Variants in KCNJ6 observed in about 807,000 individuals in gnomAD.
The protein encoded by KCNJ6 is G protein-activated inward rectifier potassium channel 2.
Under a neutral mutation model 34.2 loss-of-function variants are expected in KCNJ6, and 9 were observed. The observed-to-expected ratio is 0.26, with a 90% CI of 0.16 to 0.46. The LOEUF (loss-of-function observed/expected upper bound fraction) is 0.46. KCNJ6 is among the 20% of genes least tolerant of loss of function. The pLI is 1.00. For synonymous variants in KCNJ6, 196 were observed against 207.1 expected (o/e 0.95, Z 0.46); for missense variants, 236 against 531.3 (o/e 0.44, Z 5.46).
Position 37,838,252 on chromosome 21 carries a change from C to T in KCNJ6, c.25+2406G>A, listed in dbSNP as rs149731946. Among the ~76,000 whole-genome samples the T allele has an allele frequency of 4.5e-3, 691 of 152,164 alleles. 3 individuals are homozygous for T. The highest frequency in any genetic ancestry group is 0.014 in the African/African-American group (589 of 41,510). ...AACCTGAAACCTAAAACCAATAAAT[C>T]GATAGTCAGGTGAAGAGCTCTTATT... On this transcript the variant is annotated intron_variant, in intron 2 of 3. Transcript: ENST00000609713.
At position 37,766,273 on chromosome 21, in the gene KCNJ6, G is replaced by A. The variant is rs550529736; in HGVS notation, c.26-51142C>T. Among the ~76,000 whole-genome samples the A allele has an allele frequency of 2.7e-4, 41 of 152,216 alleles. No homozygotes were observed. The Middle Eastern group carries it at 0.014, about 51-fold the overall frequency. On this transcript the variant is annotated intron_variant, in intron 2 of 3. Coordinates refer to ENST00000609713, the MANE Select transcript of KCNJ6 (RefSeq NM_002240.5). ...TCCTGTCATGTGATTTGGGCATGCC[G>A]AAAGGCTGCCACTCCCTAAATATCC...
chr21:37,674,484 C>T (rs535254198), intron 3 of KCNJ6, among the ~76,000 whole-genome samples: 1 of 140,150 alleles, frequency 7.1e-6, no homozygotes, highest in Admixed American at 7.5e-5. Flanking sequence ...ACCTCACTCG[C>T]CTCCTCTCTG....
chr21:37,831,184 GA>G, intron 2 of KCNJ6, among the ~76,000 whole-genome samples: 1 of 152,294 alleles, frequency 6.6e-6, no homozygotes, highest in South Asian at 2.1e-4. Context: ...AATTATCCTT[GA>G]GTTTAAAAGA....
rs1342125038 is a variant in KCNJ6 at position 37,909,404 on chromosome 21, C to T, written c.-28+6480G>A. ...TTTTTTGGAGACAGAGTCTCCCTCT[C>T]ACCCAGGCTGGAGTGCAGTGGTGTG... On this transcript the variant is annotated intron_variant, in intron 1 of 3. Coordinates refer to ENST00000609713, the MANE Select transcript of KCNJ6 (RefSeq NM_002240.5). Among the ~76,000 whole-genome samples, 3 of 151,302 alleles carry T rather than the reference C, an allele frequency of 2.0e-5. No individual in the cohort carries two copies. In the East Asian group the frequency reaches 5.8e-4, roughly 29 times the overall value.
intron 3 of KCNJ6, among the ~76,000 whole-genome samples, chr21:37,701,106 C>A (rs766406754): frequency 5.3e-5 from 8 of 152,202 alleles, no homozygotes; most frequent in African/African-American, 9.7e-5. Context: ...ACACAGCTGC[C>A]TGGGTCTGTA....
intron 2 of KCNJ6, among the ~76,000 whole-genome samples, chr21:37,770,151 T>C (rs773529968): frequency 2.6e-5 from 4 of 152,202 alleles, no homozygotes; most frequent in African/African-American, 4.8e-5. Flanking sequence ...CAGTAGGAGC[T>C]GCACTTTCAC....
intron 2 of KCNJ6, among the ~76,000 whole-genome samples, chr21:37,745,243 C>T (rs1354092750): frequency 6.6e-6 from 1 of 151,976 alleles, no homozygotes; most frequent in African/African-American, 2.4e-5. Context: ...CACAGGTGTG[C>T]ACCACCATAG....
At chr21:37,837,917 G>C (rs566138961) in intron 2 of KCNJ6, among the ~76,000 whole-genome samples, 6 of 152,240 alleles carry the variant, frequency 3.9e-5, no homozygotes, top group African/African-American at 1.2e-4. Context: ...TGTTTGGTAT[G>C]TTGACCACAT....
intron 3 of KCNJ6, among the ~76,000 whole-genome samples, chr21:37,650,817 T>C (rs1399254949): frequency 6.6e-6 from 1 of 152,342 alleles, no homozygotes; most frequent in Non-Finnish European, 1.5e-5. Context: ...TTTGTCTGTC[T>C]TTGTACATCC....
At chr21:37,777,181 G>A (rs2055146510) in intron 2 of KCNJ6, among the ~76,000 whole-genome samples, 2 of 152,150 alleles carry the variant, frequency 1.3e-5, no homozygotes, top group East Asian at 3.8e-4. Flanking sequence ...ATTTCTGTGG[G>A]ATTGGTGGTG....
chr21:37,836,686 C>A (rs1477904500), intron 2 of KCNJ6, among the ~76,000 whole-genome samples: 1 of 151,984 alleles, frequency 6.6e-6, no homozygotes, highest in Non-Finnish European at 1.5e-5. Context: ...GGAAGTTGAA[C>A]AATGAGAACA....
chr21:37,859,536 A>G (rs2055584459), intron 1 of KCNJ6, among the ~76,000 whole-genome samples: 2 of 98,128 alleles, frequency 2.0e-5, no homozygotes, highest in South Asian at 5.9e-4. Flanking sequence ...TATATAAAAT[A>G]CTTAAAAAGC....
chr21:37,706,558 A>C (rs371295763), intron 3 of KCNJ6, among the ~76,000 whole-genome samples: 2 of 151,694 alleles, frequency 1.3e-5, no homozygotes, highest in African/African-American at 4.8e-5. Context: ...AACAGGCTGT[A>C]AACAGCTGCG....
At chr21:37,767,604 A>G (rs569039670) in intron 2 of KCNJ6, among the ~76,000 whole-genome samples, 1 of 152,312 alleles carries the variant, frequency 6.6e-6, no homozygotes, top group Non-Finnish European at 1.5e-5. Flanking sequence ...CAAAATGTCA[A>G]TACTGCGGAA....
chr21:37,655,920 C>T (rs1324143402), intron 3 of KCNJ6, among the ~76,000 whole-genome samples: 1 of 152,186 alleles, frequency 6.6e-6, no homozygotes, highest in Admixed American at 6.5e-5. Context: ...CTTGCTCTCT[C>T]TCTTTTTCTC....
At chr21:37,702,191 C>G (rs1198250993) in intron 3 of KCNJ6, among the ~76,000 whole-genome samples, 1 of 142,812 alleles carries the variant, frequency 7.0e-6, no homozygotes, top group Non-Finnish European at 1.5e-5. Context: ...TGAGATCGTA[C>G]CACTGCACTC....
In KCNJ6 at chr21:37,621,589, T is replaced by G. The variant is rs976072823; in HGVS notation, c.*3570A>C. 1 of 152,202 alleles carries G rather than the reference T, an allele frequency of 6.6e-6. No individual in the cohort carries two copies. Among genetic ancestry groups the G allele is most frequent in the African/African-American group, 2.4e-5 (1 of 41,456 alleles). The allele number at this position is 152,202 out of a possible 1,614,324, so 9.4% of individuals were successfully genotyped here. ...TTGGAGTGCAGTGAAAAATAGACAT[T>G]TCAGAGCCCTAGCTTGGTTAGACCT... On this transcript the variant is annotated 3_prime_UTR_variant, in exon 4 of 4. Coordinates refer to ENST00000609713, the MANE Select transcript of KCNJ6 (RefSeq NM_002240.5).
rs1491339833 is a variant in KCNJ6 at position 37,614,626 on chromosome 21, A to ATG, written c.*10532_*10533insCA. 5.6e-3 allele frequency: 564 copies of ATG among 99,984 alleles called. 6 individuals are homozygous for ATG. Among genetic ancestry groups the ATG allele is most frequent in the African/African-American group, 0.02 (533 of 26,386 alleles). The allele number at this position is 99,984 out of a possible 1,614,324, so 6.2% of individuals were successfully genotyped here. A position where few individuals can be genotyped will look rare whatever the true frequency, so the allele number is the denominator to read the frequency against. ...CATGTCTGTATGCGTGTGTGTATGC[A>ATG]TATGTCTGTGTGTGTATGCACGTGT... On this transcript the variant is annotated 3_prime_UTR_variant, in exon 4 of 4. Transcript: ENST00000609713.
Position 37,816,250 on chromosome 21 carries a change from G to A in KCNJ6, c.25+24408C>T, listed in dbSNP as rs553802970. Among the ~76,000 whole-genome samples, 780 of 152,310 alleles carry A rather than the reference G, an allele frequency of 5.1e-3. 3 individuals are homozygous for A. Among genetic ancestry groups the A allele is most frequent in the Non-Finnish European group, 8.7e-3 (589 of 68,024 alleles). On this transcript the variant is annotated intron_variant, in intron 2 of 3. Transcript: ENST00000609713. Reference sequence around the variant, plus strand: ...GTAGGTGCTGCAGGGACCAAGCATAGGTAAGGGTTCTGTGTTTTTGGAGGA... The same window carrying A: ...GTAGGTGCTGCAGGGACCAAGCATAAGTAAGGGTTCTGTGTTTTTGGAGGA...
Sources: gnomAD v4.1 joint callset for allele counts (sites outside exome capture counted in the v4.1 genomes callset) on GRCh38, gnomAD v4.1.1 for gene constraint, MANE v1.5 for transcripts, NCBI Gene and HGNC (gene_info 2026-07-23, HGNC 2026-07-21) for gene names.